ERC2: variants seen among roughly 807,000 people sequenced by gnomAD.
ERC2 encodes the protein ERC protein 2.
A neutral mutation model predicts 114.8 loss-of-function variants in ERC2; 42 were observed. The ratio of observed to expected loss-of-function variants is 0.37; its 90% CI spans 0.29 to 0.47. ERC2 has a LOEUF of 0.47. ERC2 is among the 20% of genes least tolerant of loss of function. The pLI is 0.99. For synonymous variants in ERC2, 454 were observed against 425.5 expected (o/e 1.07, Z -0.82); for missense variants, 939 against 1,150.7 (o/e 0.82, Z 2.66).
At chr3:55,914,215 A>G (rs2064969516) in intron 13 of ERC2, among the ~76,000 whole-genome samples, 1 of 152,114 alleles carries the variant, frequency 6.6e-6, no homozygotes, top group Non-Finnish European at 1.5e-5. Flanking sequence ...ATTAGTCAAC[A>G]ACTGAGGTTT....
chr3:56,311,705 C>T (rs900428384), intron 2 of ERC2, among the ~76,000 whole-genome samples: 1 of 152,028 alleles, frequency 6.6e-6, no homozygotes, highest in African/African-American at 2.4e-5. Flanking sequence ...ATCTATCGAA[C>T]CCTATGTCTA....
chr3:55,597,461 G>C (rs976244886), intron 17 of ERC2, among the ~76,000 whole-genome samples: 1 of 151,544 alleles, frequency 6.6e-6, no homozygotes, highest in African/African-American at 2.4e-5. Context: ...ACACATCAAG[G>C]CCAATCCACC....
At chr3:55,935,811 G>A (rs1440865012) in intron 13 of ERC2, among the ~76,000 whole-genome samples, 1 of 152,130 alleles carries the variant, frequency 6.6e-6, no homozygotes, top group Non-Finnish European at 1.5e-5. Context: ...GCCATTCCAA[G>A]CAGCTTCTAA....
At chr3:55,883,639 C>T (rs999002919) in intron 14 of ERC2, among the ~76,000 whole-genome samples, 1 of 152,006 alleles carries the variant, frequency 6.6e-6, no homozygotes, top group African/African-American at 2.4e-5. Context: ...CCTGTAAGCC[C>T]AGCACTTTGG....
At chr3:55,730,450 G>A (rs532959779) in intron 15 of ERC2, among the ~76,000 whole-genome samples, 2 of 152,352 alleles carry the variant, frequency 1.3e-5, no homozygotes, top group Admixed American at 6.5e-5. Flanking sequence ...ATAGAGCCTG[G>A]AAAGTGGTAA....
chr3:56,014,110 A>G (rs1364445807), intron 8 of ERC2, among the ~76,000 whole-genome samples: 3 of 152,190 alleles, frequency 2.0e-5, no homozygotes, highest in Non-Finnish European at 4.4e-5. Context: ...AAAAGTTAAA[A>G]AAAAACAGAT....
chr3:55,838,046 G>T (rs533570813), intron 14 of ERC2, among the ~76,000 whole-genome samples: 1 of 151,586 alleles, frequency 6.6e-6, no homozygotes, highest in African/African-American at 2.4e-5. Context: ...ACACATTTAT[G>T]TACTTAATAA....
At chr3:56,183,625 G>A (rs2083418420) in intron 3 of ERC2, among the ~76,000 whole-genome samples, 1 of 152,182 alleles carries the variant, frequency 6.6e-6, no homozygotes, top group African/African-American at 2.4e-5. Context: ...CTGTCACTGG[G>A]TCTAATTGAA....
chr3:56,106,296 T>C (rs1460614375), intron 6 of ERC2, among the ~76,000 whole-genome samples: 1 of 152,160 alleles, frequency 6.6e-6, no homozygotes, highest in Non-Finnish European at 1.5e-5. Flanking sequence ...AGAATTACAC[T>C]GGCCCCATGG....
intron 3 of ERC2, among the ~76,000 whole-genome samples, chr3:56,213,093 G>A (rs376036597): frequency 3.3e-5 from 5 of 152,284 alleles, no homozygotes; most frequent in South Asian, 4.1e-4. Flanking sequence ...CATGAGCAAC[G>A]CAGAAGACGG....
chr3:55,914,550 C>T (rs1050404128), intron 13 of ERC2, among the ~76,000 whole-genome samples: 6 of 152,168 alleles, frequency 3.9e-5, no homozygotes, highest in African/African-American at 1.4e-4. Context: ...ATTCTTACCA[C>T]TTCTAGAAAG....
chr3:56,355,518 C>T (rs2058716277), intron 2 of ERC2, among the ~76,000 whole-genome samples: 1 of 151,972 alleles, frequency 6.6e-6, no homozygotes, highest in African/African-American at 2.4e-5. Flanking sequence ...TCCCATGTTG[C>T]CCACACTGGT....
intron 13 of ERC2, among the ~76,000 whole-genome samples, chr3:55,917,921 A>T (rs1445382576): frequency 1.3e-5 from 2 of 152,134 alleles, no homozygotes; most frequent in African/African-American, 4.8e-5. Context: ...CTATCTGCTA[A>T]TTGAGAGTTG....
chr3:56,151,926 A>G (rs1187604929), intron 4 of ERC2, among the ~76,000 whole-genome samples: 1 of 152,232 alleles, frequency 6.6e-6, no homozygotes, highest in Admixed American at 6.5e-5. Flanking sequence ...CTAATCGCCA[A>G]AGAGCTTTCT....
chr3:56,151,637 A>G (rs1364903887), intron 4 of ERC2, among the ~76,000 whole-genome samples: 2 of 152,224 alleles, frequency 1.3e-5, no homozygotes. Context: ...GCATCAGTCC[A>G]AAGAATTTAG....
chr3:56,155,405 G>T (rs1055178121), intron 4 of ERC2, among the ~76,000 whole-genome samples: 1 of 151,794 alleles, frequency 6.6e-6, no homozygotes, highest in Admixed American at 6.6e-5. Flanking sequence ...ACTGGATGTG[G>T]CCTTCTTTGA....
At chr3:55,996,552 G>A (rs151184587) in intron 10 of ERC2, among the ~76,000 whole-genome samples, 245 of 152,182 alleles carry the variant, frequency 1.6e-3, no homozygotes, top group African/African-American at 5.2e-3. Flanking sequence ...AATGGGAAAA[G>A]GACATTTCAG....
intron 14 of ERC2, among the ~76,000 whole-genome samples, chr3:55,882,694 T>C (rs977383203): frequency 6.6e-6 from 1 of 152,242 alleles, no homozygotes; most frequent in Non-Finnish European, 1.5e-5. Flanking sequence ...GTGGGTTATA[T>C]GCAAATACTA....
intron 15 of ERC2, among the ~76,000 whole-genome samples, chr3:55,719,430 C>G (rs973468117): frequency 1.3e-5 from 2 of 152,120 alleles, no homozygotes; most frequent in Non-Finnish European, 2.9e-5. Flanking sequence ...GTGATAGAAC[C>G]CACTCTGCCT....
Sources: gnomAD v4.1 joint callset for allele counts (sites outside exome capture counted in the v4.1 genomes callset) on GRCh38, gnomAD v4.1.1 for gene constraint, MANE v1.5 for transcripts, NCBI Gene and HGNC (gene_info 2026-07-23, HGNC 2026-07-21) for gene names.